The following SLC14A2 variants were observed in gnomAD, a reference collection of about 807,000 sequenced individuals.
SLC14A2 encodes the protein urea transporter 2.
Under a neutral mutation model 104.6 loss-of-function variants are expected in SLC14A2, and 91 were observed. The ratio of observed to expected loss-of-function variants is 0.87; its 90% CI spans 0.73 to 1.04. The LOEUF is 1.04. Ranked by LOEUF, SLC14A2 falls within the 50% of genes least tolerant of loss-of-function variation. The pLI, the probability that SLC14A2 is intolerant of heterozygous loss-of-function variation, is 0.00. For missense variants in SLC14A2, 1,189 were observed against 1,156.0 expected (o/e 1.03, Z -0.41); for synonymous variants, 476 against 466.4 (o/e 1.02, Z -0.27).
chr18:45,312,882 G>A (rs560676166), intron 1 of SLC14A2, among the ~76,000 whole-genome samples: 23 of 152,266 alleles, frequency 1.5e-4, no homozygotes, highest in African/African-American at 5.5e-4. Flanking sequence ...AGAGGGGCGG[G>A]GTATGTGCTG....
At chr18:45,473,601 G>A (rs913728493) in intron 1 of SLC14A2, among the ~76,000 whole-genome samples, 1 of 152,196 alleles carries the variant, frequency 6.6e-6, no homozygotes, top group Non-Finnish European at 1.5e-5. Context: ...CACATCCCTT[G>A]TAAGTTGGAT....
At chr18:45,247,881 G>A (rs1225079771) in intron 1 of SLC14A2, among the ~76,000 whole-genome samples, 3 of 152,100 alleles carry the variant, frequency 2.0e-5, no homozygotes, top group Non-Finnish European at 4.4e-5. Context: ...ACAGACAGAA[G>A]CATTGATGAG....
chr18:45,556,027 A>T (rs758450020), intron 2 of SLC14A2, among the ~76,000 whole-genome samples: 1 of 152,190 alleles, frequency 6.6e-6, no homozygotes, highest in Non-Finnish European at 1.5e-5. Flanking sequence ...ACAATTCTGA[A>T]AGCTGGAAGT....
At position 45,673,837 on chromosome 18, in the gene SLC14A2, G is replaced by A. The variant is rs756692451; in HGVS notation, c.2512+20G>A. 3.1e-6 allele frequency: 5 copies of A among 1,604,916 alleles called. No homozygotes were observed. The East Asian group carries it at 9.0e-5, about 29-fold the overall frequency. On this transcript the variant is annotated intron_variant, in intron 18 of 19. Coordinates refer to ENST00000255226, the MANE Select transcript of SLC14A2 (RefSeq NM_007163.4). ...CCTGCGGTAGGTACTCCCCACAGAG[G>A]ATTTGTTTCCTTTATAAAAGGCTTT...
chr18:45,523,122 G>A (rs894126275), intron 2 of SLC14A2, among the ~76,000 whole-genome samples: 3 of 152,140 alleles, frequency 2.0e-5, no homozygotes, highest in African/African-American at 4.8e-5. Context: ...CTCAGCTGGT[G>A]AGAATTGTAG....
At chr18:45,613,666 C>T (rs2045010481), upstream of SLC14A2, among the ~76,000 whole-genome samples, 1 of 152,166 alleles carries the variant, frequency 6.6e-6, no homozygotes, top group Non-Finnish European at 1.5e-5. Flanking sequence ...GGCATTTTGC[C>T]ACCTCCCTAG....
chr18:45,452,407 AC>A (rs2086872527), intron 1 of SLC14A2, among the ~76,000 whole-genome samples: 1 of 152,154 alleles, frequency 6.6e-6, no homozygotes. Flanking sequence ...GACTTTACAT[AC>A]TATGTCCTTC....
intron 1 of SLC14A2, among the ~76,000 whole-genome samples, chr18:45,623,238 T>G (rs528201743): frequency 3.9e-4 from 60 of 152,292 alleles, no homozygotes; most frequent in African/African-American, 1.4e-3. Flanking sequence ...ATTAAGCCCA[T>G]GCTGGGACTG....
intron 1 of SLC14A2, among the ~76,000 whole-genome samples, chr18:45,465,018 C>A (rs1295813420): frequency 6.6e-6 from 1 of 152,074 alleles, no homozygotes; most frequent in East Asian, 1.9e-4. Flanking sequence ...AGGAAAGGGG[C>A]AGCCTCAGAA....
rs551544330 is a variant in SLC14A2, at chr18:45,632,130, T to G, written c.522-220T>G. On this transcript the variant is annotated intron_variant, in intron 4 of 19. Coordinates refer to ENST00000255226, the MANE Select transcript of SLC14A2 (RefSeq NM_007163.4). ...TAATTGTCGATCAGCAAGACAAGGGTGTGTGTGTGTGTGTTTGTGTGTGTG... is the reference window on the plus strand; with the variant it reads ...TAATTGTCGATCAGCAAGACAAGGGGGTGTGTGTGTGTGTTTGTGTGTGTG... Among the ~76,000 whole-genome samples, 4 of 114,988 alleles carry G rather than the reference T, an allele frequency of 3.5e-5. No homozygotes were observed. The East Asian group carries it at 7.2e-4, about 21-fold the overall frequency. The allele number at this position is 114,988 out of a possible 152,430, so 75.4% of individuals were successfully genotyped here.
intron 1 of SLC14A2, among the ~76,000 whole-genome samples, chr18:45,404,812 C>A (rs561977587): frequency 6.6e-6 from 1 of 152,340 alleles, no homozygotes; most frequent in Admixed American, 6.5e-5. Flanking sequence ...GGAGAAAGTA[C>A]AACTGGATTG....
intron 1 of SLC14A2, among the ~76,000 whole-genome samples, chr18:45,426,407 G>A (rs2086427253): frequency 6.6e-6 from 1 of 151,818 alleles, no homozygotes; most frequent in East Asian, 1.9e-4. Flanking sequence ...CTCCTTCAGC[G>A]GTGGTCCTCT....
At chr18:45,226,695 T>A (rs918884653) in intron 1 of SLC14A2, among the ~76,000 whole-genome samples, 1 of 150,394 alleles carries the variant, frequency 6.6e-6, no homozygotes, top group Admixed American at 6.6e-5. Context: ...AGGGATAGCA[T>A]TAGGAGATAT....
chr18:45,301,363 G>A (rs776438338), intron 1 of SLC14A2, among the ~76,000 whole-genome samples: 41 of 152,174 alleles, frequency 2.7e-4, no homozygotes, highest in Non-Finnish European at 4.1e-4. Flanking sequence ...ACGCTGGGGT[G>A]GGAGATGACC....
Position 45,673,720 on chromosome 18 carries a change from C to T in SLC14A2, c.2415C>T (p.Phe805=), listed in dbSNP as rs748825192. The change falls in exon 18 of 20, where the codon TTC becomes TTT. Residue 805 remains phenylalanine (F), a synonymous_variant. Coordinates refer to ENST00000255226, the MANE Select transcript of SLC14A2 (RefSeq NM_007163.4). The part of the protein sequence containing the change: ...TIATPFDSIY[F]GLCGFNSTLA... ...CGACGCCCTTTGACTCCATCTACTT[C>T]GGCCTGTGTGGCTTCAACAGCACCC... 13 of 1,614,030 alleles carry T rather than the reference C, an allele frequency of 8.1e-6. No individual in the cohort carries two copies. Among genetic ancestry groups the T allele is most frequent in the African/African-American group, 2.7e-5 (2 of 74,914 alleles).
At chr18:45,282,393 G>C (rs1368900026) in intron 1 of SLC14A2, among the ~76,000 whole-genome samples, 1 of 152,152 alleles carries the variant, frequency 6.6e-6, no homozygotes, top group African/African-American at 2.4e-5. Context: ...TTGGGGGACT[G>C]TCCCTGATCT....
At chr18:45,420,278 A>G (rs1378271371) in intron 1 of SLC14A2, among the ~76,000 whole-genome samples, 3 of 152,160 alleles carry the variant, frequency 2.0e-5, no homozygotes, top group African/African-American at 4.8e-5. Flanking sequence ...TGAGTTATTC[A>G]AGATACTAAG....
At chr18:45,366,141 C>T (rs1309041625) in intron 1 of SLC14A2, among the ~76,000 whole-genome samples, 1 of 152,052 alleles carries the variant, frequency 6.6e-6, no homozygotes, top group African/African-American at 2.4e-5. Context: ...GAGCAGAAAA[C>T]GCAACACAGC....
intron 1 of SLC14A2, among the ~76,000 whole-genome samples, chr18:45,273,567 T>C (rs995050278): frequency 1.3e-5 from 2 of 152,106 alleles, no homozygotes; most frequent in African/African-American, 4.8e-5. Context: ...CTTGACTTTT[T>C]TCTGATAATG....
Sources: gnomAD v4.1 joint callset for allele counts (sites outside exome capture counted in the v4.1 genomes callset) on GRCh38, gnomAD v4.1.1 for gene constraint, MANE v1.5 for transcripts, NCBI Gene and HGNC (gene_info 2026-07-23, HGNC 2026-07-21) for gene names.